The following RAP1GAP2 variants were observed in gnomAD, a reference collection of about 807,000 sequenced individuals.
RAP1GAP2 encodes the protein RAP1 GTPase activating protein 2.
RAP1GAP2 carries 27 observed loss-of-function variants against 95.0 expected under a neutral mutation model. The observed-to-expected ratio is 0.28, with a 90% CI of 0.21 to 0.39. The LOEUF (loss-of-function observed/expected upper bound fraction) is 0.39, where lower values mean the gene tolerates loss of function less well. Ranked by LOEUF, RAP1GAP2 falls within the 10% of genes least tolerant of loss-of-function variation. The pLI, the probability that RAP1GAP2 is intolerant of heterozygous loss-of-function variation, is 1.00. For synonymous variants in RAP1GAP2, 373 were observed against 380.9 expected, an observed-to-expected ratio of 0.98 and a Z score of 0.24; for missense variants, 771 against 970.0, an observed-to-expected ratio of 0.79 and a Z score of 2.72.
At chr17:2,962,762 T>C (rs1473246638) in intron 5 of RAP1GAP2, 48 bp downstream of exon 5, 1 of 1,521,340 alleles carries the variant, frequency 6.6e-7, no homozygotes, top group Admixed American at 2.3e-5. Context: ...GGTGAGGGGC[T>C]AGGGCGAGAG....
At chr17:2,809,237 G>A (rs150208457) in intron 2 of RAP1GAP2, among the ~76,000 whole-genome samples, 183 of 152,350 alleles carry the variant, frequency 1.2e-3, no homozygotes, top group African/African-American at 3.9e-3. Flanking sequence ...TGATGGGCAG[G>A]CAGGGAGCCG....
intron 2 of RAP1GAP2, among the ~76,000 whole-genome samples, chr17:2,884,372 GTTT>G (rs72123618): frequency 8.1e-6 from 1 of 123,724 alleles, no homozygotes; most frequent in Non-Finnish European, 1.7e-5. Flanking sequence ...TTCTTGAGTT[GTTT>G]TTTTTTTTTT....
chr17:3,018,535 G>T (rs931239756), intron 18 of RAP1GAP2, among the ~76,000 whole-genome samples: 1 of 152,086 alleles, frequency 6.6e-6, no homozygotes, highest in Non-Finnish European at 1.5e-5. Flanking sequence ...TCAGGGGCTC[G>T]GGACCCATGA....
intron 3 of RAP1GAP2, among the ~76,000 whole-genome samples, chr17:2,921,078 T>C (rs2042751356): frequency 6.6e-6 from 1 of 152,186 alleles, no homozygotes; most frequent in Non-Finnish European, 1.5e-5. Context: ...CAGACTCTGC[T>C]CTTGGCGGAG....
intron 2 of RAP1GAP2, among the ~76,000 whole-genome samples, chr17:2,854,257 C>T (rs1338715662): frequency 1.3e-5 from 2 of 152,208 alleles, no homozygotes; most frequent in Non-Finnish European, 2.9e-5. Context: ...CGGAGCTTCG[C>T]CCCGGACCCT....
At chr17:2,984,911 C>G in intron 10 of RAP1GAP2, 72 bp from the exon 11 acceptor site, 1 of 1,585,506 alleles carries the variant, frequency 6.3e-7, no homozygotes, top group South Asian at 1.2e-5. Flanking sequence ...GATGCTTCCC[C>G]TGCCATGTGC....
chr17:2,832,934 C>A (rs1226049123), intron 2 of RAP1GAP2, among the ~76,000 whole-genome samples: 1 of 151,828 alleles, frequency 6.6e-6, no homozygotes, highest in Non-Finnish European at 1.5e-5. Context: ...AGCGAGATCG[C>A]ACCACTGCAC....
intron 2 of RAP1GAP2, among the ~76,000 whole-genome samples, chr17:2,879,713 G>A (rs1293836629): frequency 5.0e-5 from 7 of 139,658 alleles, no homozygotes; most frequent in African/African-American, 1.6e-4. Context: ...GCGACAGGGC[G>A]AGACTCCATC....
intron 16 of RAP1GAP2, among the ~76,000 whole-genome samples, chr17:3,007,686 G>T (rs1326911641): frequency 6.6e-6 from 1 of 152,166 alleles, no homozygotes; most frequent in East Asian, 1.9e-4. Context: ...GGGGAGTTGG[G>T]TGCGTGGATG....
chr17:2,922,820 C>CTTT (rs1567782104), intron 3 of RAP1GAP2, among the ~76,000 whole-genome samples: 1 of 129,100 alleles, frequency 7.7e-6, no homozygotes, highest in African/African-American at 3.2e-5. Flanking sequence ...CCAGTATTTT[C>CTTT]TTTTTGTTTT....
chr17:2,888,817 A>AT (rs58533003), intron 2 of RAP1GAP2, among the ~76,000 whole-genome samples: 83 of 130,486 alleles, frequency 6.4e-4, no homozygotes, highest in Admixed American at 7.8e-4. Context: ...CGCCCAGCTA[A>AT]TTTTTTTTTT....
At chr17:2,878,298 A>G (rs1014223679) in intron 2 of RAP1GAP2, among the ~76,000 whole-genome samples, 1 of 152,098 alleles carries the variant, frequency 6.6e-6, no homozygotes. Context: ...TTAGGGACAC[A>G]TTGGGTTCGA....
intron 2 of RAP1GAP2, among the ~76,000 whole-genome samples, chr17:2,864,337 G>A (rs971841275): frequency 2.0e-5 from 3 of 152,252 alleles, no homozygotes; most frequent in Non-Finnish European, 2.9e-5. Flanking sequence ...CCTGATGGGT[G>A]TTATTCTGCC....
chr17:2,808,212 C>G (rs1248621375), intron 2 of RAP1GAP2, among the ~76,000 whole-genome samples: 3 of 152,038 alleles, frequency 2.0e-5, no homozygotes, highest in Non-Finnish European at 2.9e-5. Flanking sequence ...GAGAAAGTCC[C>G]ATAATAGCAT....
chr17:3,031,742 A>T (rs1477717518), intron 23 of RAP1GAP2, among the ~76,000 whole-genome samples: 1 of 136,480 alleles, frequency 7.3e-6, no homozygotes, highest in Admixed American at 7.1e-5. Context: ...CTGGGTCCCG[A>T]ATCCCTTCCT....
chr17:2,989,388 A>C (rs1443896978), intron 11 of RAP1GAP2, among the ~76,000 whole-genome samples: 1 of 152,044 alleles, frequency 6.6e-6, no homozygotes, highest in Non-Finnish European at 1.5e-5. Flanking sequence ...GCTGGAGTGC[A>C]GTGGTGTGAT....
chr17:2,824,772 A>G (rs1362186786), intron 2 of RAP1GAP2, among the ~76,000 whole-genome samples: 3 of 150,956 alleles, frequency 2.0e-5, no homozygotes, highest in African/African-American at 7.3e-5. Context: ...AAGAAATAGC[A>G]TATGGGTCAC....
At chr17:2,930,449 G>T (rs1036168379) in intron 3 of RAP1GAP2, among the ~76,000 whole-genome samples, 1 of 152,242 alleles carries the variant, frequency 6.6e-6, no homozygotes, top group Non-Finnish European at 1.5e-5. Flanking sequence ...AGGCCTGAGT[G>T]GGGGCGTGGC....
At chr17:3,014,972 G>A (rs996489868) in intron 17 of RAP1GAP2, among the ~76,000 whole-genome samples, 1 of 152,148 alleles carries the variant, frequency 6.6e-6, no homozygotes, top group African/African-American at 2.4e-5. Context: ...AGGAGTTTGA[G>A]ACCAGCCTGG....
Sources: allele counts gnomAD v4.1 joint callset (sites outside exome capture counted in the v4.1 genomes callset), GRCh38; gene constraint gnomAD v4.1.1; transcripts MANE v1.5; gene names NCBI Gene and HGNC (gene_info 2026-07-23, HGNC 2026-07-21).